Variants in ATP13A2 observed in about 807,000 individuals in gnomAD.
ATP13A2 encodes ATPase cation transporting 13A2.
ATP13A2 carries 83 observed loss-of-function variants against 138.3 expected under a neutral mutation model. The ratio of observed to expected loss-of-function variants is 0.60; its 90% confidence interval spans 0.50 to 0.72. The LOEUF (loss-of-function observed/expected upper bound fraction) is 0.72, where lower values mean the gene tolerates loss of function less well. Ranked by LOEUF, ATP13A2 falls within the 30% of genes least tolerant of loss-of-function variation. The pLI, the probability that ATP13A2 is intolerant of heterozygous loss-of-function variation, is 0.00. For missense variants in ATP13A2, 1,402 were observed against 1,606.4 expected, an observed-to-expected ratio of 0.87 and a Z score of 2.17; for synonymous variants, 663 against 699.0, an observed-to-expected ratio of 0.95 and a Z score of 0.81.
At chr1:16,999,459 C>T (rs952767051) in intron 11 of ATP13A2, among the ~76,000 whole-genome samples, 2 of 151,044 alleles carry the variant, frequency 1.3e-5, no homozygotes, top group Non-Finnish European at 2.9e-5. Flanking sequence ...GCACCTCTCA[C>T]GCTCCTAAGC....
chr1:16,997,136 C>A lies in ATP13A2; in HGVS notation c.1079G>T (p.Gly360Val). Residue 360 changes from glycine (G) to valine (V), a missense_variant, in exon 12 of 29, where the codon GGG (glycine) becomes GTG (valine). Coordinates refer to ENST00000326735, the MANE Select transcript of ATP13A2 (RefSeq NM_022089.4). ...TGTCTCTGCACAGTAGGGCCCCAGCCCCTCCGGCAGTGCCGTCTTCAGCAC... is the reference window on the plus strand; with the variant it reads ...TGTCTCTGCACAGTAGGGCCCCAGCACCTCCGGCAGTGCCGTCTTCAGCAC... ...IPVLKTALPEGLGPYCAETHR... is the reference protein window; with the variant it reads ...IPVLKTALPEVLGPYCAETHR... 3 of 1,613,742 alleles carry A rather than the reference C, an allele frequency of 1.9e-6. No homozygotes were observed. Among genetic ancestry groups the A allele is most frequent in the Non-Finnish European group, 2.5e-6 (3 of 1,180,030 alleles).
chr1:17,011,331 G>A lies in ATP13A2; in HGVS notation c.10+398C>T, dbSNP rs187156663. On this transcript the variant is annotated intron_variant, in intron 1 of 28. Coordinates refer to ENST00000326735, the MANE Select transcript of ATP13A2 (RefSeq NM_022089.4). The surrounding 1 kb of genome is among the most constrained non-coding windows in gnomAD (Gnocchi z 7.3). ...ATTCAGCCCAGAGGGGTTGCCCAGA[G>A]GCCCGAGGATGCAGCCGTCTCCCCC... Among the ~76,000 whole-genome samples, 7 of 152,288 alleles carry A rather than the reference G, an allele frequency of 4.6e-5. No homozygotes were observed. In the East Asian group the frequency reaches 1.4e-3, roughly 30 times the overall value.
At chr1:17,005,348 A>G in intron 3 of ATP13A2, 26 bp downstream of exon 3, 1 of 1,574,462 alleles carries the variant, frequency 6.4e-7, no homozygotes, top group Non-Finnish European at 8.6e-7. Context: ...GCGCTTCTCT[A>G]GCCCCAGGCT....
In ATP13A2 at chr1:17,011,850, G is replaced by T; in HGVS notation, c.-112C>A. 1.0e-6 allele frequency: 1 copy of T among 994,192 alleles called. No individual in the cohort carries two copies. The highest frequency in any genetic ancestry group is 1.2e-6 in the Non-Finnish European group (1 of 823,326). The allele number at this position is 994,192 out of a possible 1,614,324, so 61.6% of individuals were successfully genotyped here. On this transcript the variant is annotated 5_prime_UTR_variant, in exon 1 of 29. Coordinates refer to ENST00000326735, the MANE Select transcript of ATP13A2 (RefSeq NM_022089.4). The surrounding 1 kb of genome is among the most constrained non-coding windows in gnomAD (Gnocchi z 7.3). ...GTCCGGACGGCCCGGGGCGAGGGGC[G>T]CTGGGCTAGCGCGGGGCTGGAGCAG...
At chr1:16,994,974 T>A (rs971764661) in intron 15 of ATP13A2, among the ~76,000 whole-genome samples, 1 of 152,106 alleles carries the variant, frequency 6.6e-6, no homozygotes, top group Non-Finnish European at 1.5e-5. Context: ...CTCCCCAGTT[T>A]AAAAGCGCTC....
chr1:17,001,535 G>A (rs537058390), intron 8 of ATP13A2, among the ~76,000 whole-genome samples: 11 of 152,296 alleles, frequency 7.2e-5, no homozygotes, highest in East Asian at 1.9e-4. Context: ...GCCTGCCCCC[G>A]ATCAGAGGGC....
At position 17,000,160 on chromosome 1, in the gene ATP13A2, A is replaced by T. The variant is rs376838676; in HGVS notation, c.908-18T>A. On this transcript the variant is annotated intron_variant, in intron 10 of 28. Transcript: ENST00000326735. Reference sequence around the variant, plus strand: ...CTCTTCCTCTGCAGGCAGGCAGGAGAGGAGCTCAGCTAGGTGGGGCCAGCC... The same window carrying T: ...CTCTTCCTCTGCAGGCAGGCAGGAGTGGAGCTCAGCTAGGTGGGGCCAGCC... The T allele has an allele frequency of 2.1e-5, 34 of 1,612,614 alleles. No individual in the cohort carries two copies. Among genetic ancestry groups the T allele is most frequent in the African/African-American group, 4.0e-5 (3 of 74,878 alleles).
intron 12 of ATP13A2, 122 bp from the exon 13 acceptor site, chr1:16,996,618 T>C: frequency 1.2e-6 from 1 of 806,332 alleles, no homozygotes; most frequent in Middle Eastern, 3.5e-4. Flanking sequence ...AAATTAGCCA[T>C]CAGCAGTGTG....
chr1:17,011,787 T>G lies in ATP13A2; in HGVS notation c.-49A>C. 7.3e-7 allele frequency: 1 copy of G among 1,369,972 alleles called. No homozygotes were observed. Among genetic ancestry groups the G allele is most frequent in the Non-Finnish European group, 9.4e-7 (1 of 1,059,792 alleles). The allele number at this position is 1,369,972 out of a possible 1,614,324, so 84.9% of individuals were successfully genotyped here. Reference sequence around the variant, plus strand: ...GGCCCCGGCGCTGCGGCCCTCGGCCTGGGCCCCGGCGTGCGCAAGGCCCTG... The same window carrying G: ...GGCCCCGGCGCTGCGGCCCTCGGCCGGGGCCCCGGCGTGCGCAAGGCCCTG... On this transcript the variant is annotated 5_prime_UTR_variant, in exon 1 of 29. Coordinates refer to ENST00000326735, the MANE Select transcript of ATP13A2 (RefSeq NM_022089.4). The surrounding 1 kb of genome is among the most constrained non-coding windows in gnomAD (Gnocchi z 7.3).
chr1:16,998,795 G>A (rs1423751786), intron 11 of ATP13A2, among the ~76,000 whole-genome samples: 3 of 152,140 alleles, frequency 2.0e-5, no homozygotes, highest in Admixed American at 1.3e-4. Flanking sequence ...GGGGCCATCC[G>A]TGCTTGTGGA....
At position 17,004,202 on chromosome 1, in the gene ATP13A2, C is replaced by G; in HGVS notation, c.557+130G>C. The G allele has an allele frequency of 2.1e-6, 2 of 964,144 alleles. No homozygotes were observed. Among genetic ancestry groups the G allele is most frequent in the Non-Finnish European group, 1.6e-6 (1 of 614,358 alleles). 59.7% of individuals were successfully genotyped at this position (964,144 alleles called of 1,614,324 possible). A position where few individuals can be genotyped will look rare whatever the true frequency, so the allele number is the denominator to read the frequency against. On this transcript the variant is annotated intron_variant, in intron 6 of 28. Transcript: ENST00000326735. The surrounding 1 kb of genome is among the most constrained non-coding windows in gnomAD (Gnocchi z 4.1). ...CCCAGGCCTGGAGGGGCTCAGTAACCTGCCCAAGGTTTCAGACAGCAAAAG... is the reference window on the plus strand; with the variant it reads ...CCCAGGCCTGGAGGGGCTCAGTAACGTGCCCAAGGTTTCAGACAGCAAAAG...
rs138570168 is a variant in ATP13A2 at position 16,997,434 on chromosome 1, A to G, written c.1040-259T>C. On this transcript the variant is annotated intron_variant, in intron 11 of 28. Transcript: ENST00000326735. ...ACCAGCGGGGGGGGGTGGGTCAGACAGAGCATGTGTGGGCATCATGTGTGC... is the reference window on the plus strand; with the variant it reads ...ACCAGCGGGGGGGGGTGGGTCAGACGGAGCATGTGTGGGCATCATGTGTGC... Among the ~76,000 whole-genome samples the G allele has an allele frequency of 3.0e-3, 350 of 115,970 alleles. 23 individuals carry two copies. Among genetic ancestry groups the G allele is most frequent in the Middle Eastern group, 9.6e-3 (2 of 208 alleles). 76.1% of individuals were successfully genotyped at this position (115,970 alleles called of 152,430 possible). A position where few individuals can be genotyped will look rare whatever the true frequency, so the allele number is the denominator to read the frequency against.
chr1:16,986,069 T>TC lies in ATP13A2; in HGVS notation c.*151dup, dbSNP rs769617510. ...AAGGTAGGGGACAGTAGTCAACGCT[T>TC]CCCCAGGGTGGGGGTGGTCTCGGGG... On this transcript the variant is annotated 3_prime_UTR_variant, in exon 29 of 29. Transcript: ENST00000326735. The surrounding 1 kb of genome is among the most constrained non-coding windows in gnomAD (Gnocchi z 6.9). The TC allele has an allele frequency of 1.0e-4, 153 of 1,520,208 alleles. No individual in the cohort carries two copies. The highest frequency in any genetic ancestry group is 1.3e-4 in the Non-Finnish European group (144 of 1,132,152). 94.2% of individuals were successfully genotyped at this position (1,520,208 alleles called of 1,614,324 possible). A position where few individuals can be genotyped will look rare whatever the true frequency, so the allele number is the denominator to read the frequency against.
intron 1 of ATP13A2, among the ~76,000 whole-genome samples, chr1:17,009,955 C>T (rs2077718430): frequency 6.6e-6 from 1 of 152,184 alleles, no homozygotes; most frequent in East Asian, 1.9e-4. Flanking sequence ...CTGTTTATCC[C>T]CAGCCACAGC....
chr1:16,990,050 G>A (rs1030482567), intron 21 of ATP13A2, 47 bp from the exon 22 acceptor site: 2 of 1,613,234 alleles, frequency 1.2e-6, no homozygotes, highest in African/African-American at 2.7e-5. Flanking sequence ...CCACCCTGGA[G>A]AGTTGGGGCC....
At position 16,986,370 on chromosome 1, in the gene ATP13A2, AG is replaced by A. The variant is rs1345747479; in HGVS notation, c.3406-13del. ...TGGTCTAGCACGCTCTGCAAAGGGC[AG>A]GGAGGGTGTCAGGGGCAGCCGGGGC... On this transcript the variant is annotated splice_polypyrimidine_tract_variant and intron_variant, in intron 28 of 28. Transcript: ENST00000326735. The surrounding 1 kb of genome is among the most constrained non-coding windows in gnomAD (Gnocchi z 6.9). 2.0e-5 allele frequency: 32 copies of A among 1,585,382 alleles called. No homozygotes were observed. The highest frequency in any genetic ancestry group is 2.7e-5 in the Non-Finnish European group (32 of 1,168,736).
intron 8 of ATP13A2, among the ~76,000 whole-genome samples, chr1:17,001,323 G>A (rs955206301): frequency 1.3e-5 from 2 of 150,952 alleles, no homozygotes; most frequent in African/African-American, 4.9e-5. Flanking sequence ...AGCTATGTAG[G>A]AGGCTCAGGC....
Position 16,992,509 on chromosome 1 carries a change from A to C in ATP13A2, c.1822T>G (p.Trp608Gly), listed in dbSNP as rs188964068. The change falls in exon 17 of 29, where the codon TGG becomes GGG. Residue 608 changes from tryptophan (W) to glycine (G), a missense_variant. Physicochemically the swap from Trp to Gly is radical, Grantham distance 184 (BLOSUM62 -2). Transcript: ENST00000326735. ...QVLAVMRPPL[W>G]EPQLQAMEEP... is the part of the protein sequence containing the mutation. ...ACCATTGCCTGCAGCTGGGGCTCCC[A>C]AAGTGGGGGTCTCATCACTGCCAAG... 1.2e-6 allele frequency: 2 copies of C among 1,614,154 alleles called. No homozygotes were observed. Among genetic ancestry groups the C allele is most frequent in the East Asian group, 4.5e-5 (2 of 44,876 alleles).
intron 1 of ATP13A2, among the ~76,000 whole-genome samples, chr1:17,007,116 T>C (rs1032375227): frequency 3.3e-5 from 5 of 152,278 alleles, no homozygotes; most frequent in African/African-American, 1.2e-4. Context: ...CGACCTCAGG[T>C]GATCCACCCG....
Sources: allele counts gnomAD v4.1 joint callset (sites outside exome capture counted in the v4.1 genomes callset), GRCh38; gene constraint gnomAD v4.1.1; non-coding constraint Gnocchi (gnomAD v3.1); transcripts MANE v1.5; gene names NCBI Gene and HGNC (gene_info 2026-07-23, HGNC 2026-07-21).